ACSM1: variants seen among roughly 807,000 people sequenced by gnomAD.
ACSM1 encodes acyl-CoA synthetase medium chain family member 1.
Under a neutral mutation model 75.8 loss-of-function variants are expected in ACSM1, and 79 were observed. The observed-to-expected ratio is 1.04, with a 90% CI of 0.87 to 1.26. The LOEUF (loss-of-function observed/expected upper bound fraction) is 1.26. Ranked by LOEUF, ACSM1 falls within the 50% of genes most tolerant of loss-of-function variation. The probability of loss-of-function intolerance (pLI) is 0.00; values close to 1 mark genes in which losing one functional copy is unlikely to be tolerated. For synonymous variants in ACSM1, 279 were observed against 265.8 expected (o/e 1.05, Z -0.48); for missense variants, 676 against 720.1 (o/e 0.94, Z 0.70).
intron 6 of ACSM1, among the ~76,000 whole-genome samples, chr16:20,665,231 CA>C (rs1443192622): frequency 2.0e-5 from 3 of 151,792 alleles, no homozygotes; most frequent in Non-Finnish European, 2.9e-5. Flanking sequence ...AAAGAATAAA[CA>C]ATATTGATAG....
chr16:20,631,358 TA>T (rs1406621348), intron 10 of ACSM1, among the ~76,000 whole-genome samples: 7 of 152,186 alleles, frequency 4.6e-5, no homozygotes, highest in African/African-American at 1.4e-4. Flanking sequence ...TTGTCATTGT[TA>T]AAAAAATCAG....
At chr16:20,653,487 T>C (rs909073544) in intron 7 of ACSM1, among the ~76,000 whole-genome samples, 4 of 152,194 alleles carry the variant, frequency 2.6e-5, no homozygotes, top group Non-Finnish European at 4.4e-5. Flanking sequence ...GATGACATGA[T>C]TGTATATTTA....
At chr16:20,684,192 T>G (rs1800536844) in intron 3 of ACSM1, among the ~76,000 whole-genome samples, 1 of 152,094 alleles carries the variant, frequency 6.6e-6, no homozygotes, top group African/African-American at 2.4e-5. Flanking sequence ...TAAATGAAAC[T>G]GACAGAAATA....
chr16:20,636,900 C>T, intron 9 of ACSM1, 60 bp from the exon 10 acceptor site: 1 of 1,257,328 alleles, frequency 8.0e-7, no homozygotes, highest in East Asian at 2.3e-5. Flanking sequence ...CTGCCCCACC[C>T]AAGCACTGTC....
chr16:20,687,384 G>A (rs2079572691), intron 2 of ACSM1, among the ~76,000 whole-genome samples: 1 of 152,092 alleles, frequency 6.6e-6, no homozygotes, highest in African/African-American at 2.4e-5. Flanking sequence ...AGCGAGGTGG[G>A]GCGGGATGCA....
chr16:20,623,564 A>G lies in ACSM1; in HGVS notation c.1656T>C (p.Phe552=). 6.2e-7 allele frequency: 1 copy of G among 1,614,076 alleles called. No individual in the cohort carries two copies. The highest frequency in any genetic ancestry group is 1.3e-5 in the African/African-American group (1 of 75,040). Residue 552 remains phenylalanine, a synonymous_variant, in exon 14 of 14, where the codon TTT becomes TTC. Coordinates refer to ENST00000520010, the MANE Select transcript of ACSM1 (RefSeq NM_001318890.3). ...APYKYPRKVE[F]VSELPKTITG... ...TGATGGTTTTTGGCAGCTCTGAGAC[A>G]AACTCCACCTGGTTGAGGATAAAGC... is the stretch of plus-strand genomic sequence containing the variant.
At chr16:20,686,254 C>A (rs2079552191) in intron 2 of ACSM1, among the ~76,000 whole-genome samples, 1 of 151,974 alleles carries the variant, frequency 6.6e-6, no homozygotes, top group Non-Finnish European at 1.5e-5. Context: ...AGGGCAGTAA[C>A]AAAGCAGACT....
chr16:20,683,391 GT>G (rs2079485178), intron 3 of ACSM1, among the ~76,000 whole-genome samples: 1 of 152,012 alleles, frequency 6.6e-6, no homozygotes, highest in Non-Finnish European at 1.5e-5. Flanking sequence ...GCCTCCCAAA[GT>G]GCTGGGATTA....
rs1010754808 is a variant in ACSM1, at chr16:20,670,432, C to T, written c.753-446G>A. ...GCTTGCACCTGGATTAGACTAGGAG[C>T]CTTTAACTGGTCTTCCCTAACTCTA... On this transcript the variant is annotated intron_variant, in intron 5 of 13. Coordinates refer to ENST00000520010, the MANE Select transcript of ACSM1 (RefSeq NM_001318890.3). Among the ~76,000 whole-genome samples, 3 of 152,312 alleles carry T rather than the reference C, an allele frequency of 2.0e-5. No individual in the cohort carries two copies. The South Asian group carries it at 6.2e-4, about 32-fold the overall frequency.
At chr16:20,654,631 C>G (rs1567275071) in intron 7 of ACSM1, among the ~76,000 whole-genome samples, 1 of 152,136 alleles carries the variant, frequency 6.6e-6, no homozygotes, top group African/African-American at 2.4e-5. Context: ...ATTTATGCAG[C>G]CAACAGACAC....
At chr16:20,631,511 C>CT (rs1229484911) in intron 10 of ACSM1, among the ~76,000 whole-genome samples, 1 of 152,196 alleles carries the variant, frequency 6.6e-6, no homozygotes, top group African/African-American at 2.4e-5. Flanking sequence ...AGCAATCCCA[C>CT]TACTGCGTAT....
chr16:20,666,069 A>G (rs1322381341), intron 6 of ACSM1, among the ~76,000 whole-genome samples: 1 of 152,148 alleles, frequency 6.6e-6, no homozygotes, highest in African/African-American at 2.4e-5. Flanking sequence ...TGCGAATTGG[A>G]AAAAGTGTAG....
chr16:20,690,925 G>T, intron 2 of ACSM1, 72 bp downstream of exon 2: 2 of 1,471,336 alleles, frequency 1.4e-6, no homozygotes, highest in Non-Finnish European at 1.8e-6. Flanking sequence ...ATACCTTTCA[G>T]CCTAGTAGGA....
chr16:20,682,447 A>G lies in ACSM1; in HGVS notation c.420T>C (p.Pro140=), dbSNP rs758264322. The G allele has an allele frequency of 6.2e-7, 1 of 1,613,522 alleles. No homozygotes were observed. The highest frequency in any genetic ancestry group is 8.5e-7 in the Non-Finnish European group (1 of 1,179,644). ...CTTTGGCCTTCAACAGGATGGTCGC[A>G]GGAATGAAGATGATCCCTGGGGATG... ...GCMRTGIIFI[P]ATILLKAKDI... is the part of the protein sequence containing the mutation. The change falls in exon 4 of 14, where the codon CCT becomes CCC. Residue 140 remains proline, a synonymous_variant. Coordinates refer to ENST00000520010, the MANE Select transcript of ACSM1 (RefSeq NM_001318890.3).
intron 1 of ACSM1, among the ~76,000 whole-genome samples, chr16:20,694,576 G>C (rs1190322743): frequency 6.6e-6 from 1 of 152,010 alleles, no homozygotes; most frequent in African/African-American, 2.4e-5. Flanking sequence ...ATGACCTCAG[G>C]GTCTTCCTTA....
intron 4 of ACSM1, among the ~76,000 whole-genome samples, chr16:20,672,697 G>T (rs1368060013): frequency 1.2e-4 from 15 of 123,152 alleles, no homozygotes; most frequent in African/African-American, 4.6e-4. Context: ...TTATATATAA[G>T]TATATATATA....
intron 4 of ACSM1, among the ~76,000 whole-genome samples, chr16:20,673,260 A>G (rs994053689): frequency 2.6e-5 from 4 of 152,006 alleles, no homozygotes; most frequent in Admixed American, 6.6e-5. Context: ...GCCTACTACA[A>G]TTGTAAATGC....
intron 4 of ACSM1, among the ~76,000 whole-genome samples, chr16:20,671,950 C>A (rs1567295398): frequency 6.6e-6 from 1 of 152,080 alleles, no homozygotes; most frequent in Non-Finnish European, 1.5e-5. Flanking sequence ...TTAATGAATT[C>A]ATTAAGTAAT....
chr16:20,666,586 A>T (rs1057176430), intron 6 of ACSM1, among the ~76,000 whole-genome samples: 4 of 152,234 alleles, frequency 2.6e-5, no homozygotes, highest in African/African-American at 9.6e-5. Flanking sequence ...TATGCCTATT[A>T]AAATACCAAT....
Sources: allele counts gnomAD v4.1 joint callset (sites outside exome capture counted in the v4.1 genomes callset), GRCh38; gene constraint gnomAD v4.1.1; transcripts MANE v1.5; gene names NCBI Gene and HGNC (gene_info 2026-07-23, HGNC 2026-07-21).